The following ADGRL3 variants were observed in gnomAD, a reference collection of about 807,000 sequenced individuals.
ADGRL3 encodes the protein adhesion G protein-coupled receptor L3.
A neutral mutation model predicts 153.5 loss-of-function variants in ADGRL3; 62 were observed. The ratio of observed to expected loss-of-function variants is 0.40; its 90% confidence interval spans 0.33 to 0.50. The LOEUF (loss-of-function observed/expected upper bound fraction) is 0.50. Among genes scored for constraint, ADGRL3 ranks in the 20% least tolerant of loss-of-function variants. ADGRL3 has a pLI of 0.47. For synonymous variants in ADGRL3, 710 were observed against 672.5 expected, an observed-to-expected ratio of 1.06 and a Z score of -0.86; for missense variants, 1,641 against 1,859.4, an observed-to-expected ratio of 0.88 and a Z score of 2.16.
At chr4:61,654,332 A>C (rs1486654431) in intron 5 of ADGRL3, among the ~76,000 whole-genome samples, 4 of 152,052 alleles carry the variant, frequency 2.6e-5, no homozygotes, top group Non-Finnish European at 5.9e-5. Context: ...CTCTATATCA[A>C]ATTTGGATAT....
rs148158914 is a variant in ADGRL3, at chr4:61,925,777, C to T, written c.2113-9063C>T. 2.0e-4 allele frequency among the ~76,000 whole-genome samples: 31 copies of T among 152,260 alleles called. No homozygotes were observed. In the East Asian group the frequency reaches 2.1e-3, roughly 10 times the overall value. Reference sequence around the variant, plus strand: ...CTCCCACCAGGCCCCACCTCCAACACTGAGGATTACAATTCAACATGAGAT... The same window carrying T: ...CTCCCACCAGGCCCCACCTCCAACATTGAGGATTACAATTCAACATGAGAT... On this transcript the variant is annotated intron_variant, in intron 13 of 26. Coordinates refer to ENST00000683033, the MANE Select transcript of ADGRL3 (RefSeq NM_001387552.1).
At chr4:61,984,441 G>A (rs1256245678) in intron 19 of ADGRL3, among the ~76,000 whole-genome samples, 1 of 152,064 alleles carries the variant, frequency 6.6e-6, no homozygotes. Flanking sequence ...ACACAGTGGT[G>A]CATGTCTATA....
At chr4:61,447,899 A>G (rs1578910988) in intron 2 of ADGRL3, among the ~76,000 whole-genome samples, 1 of 152,186 alleles carries the variant, frequency 6.6e-6, no homozygotes, top group Non-Finnish European at 1.5e-5. Context: ...CTGTTCATAT[A>G]AAAACAAAAC....
At chr4:61,631,923 GGCCGCTGAATATAATGT>G in intron 5 of ADGRL3, among the ~76,000 whole-genome samples, 1 of 151,896 alleles carries the variant, frequency 6.6e-6, no homozygotes, top group East Asian at 1.9e-4. Flanking sequence ...CACCACACCT[GGCCGCTGAATATAATGT>G]CAAAAAGAAC....
intron 2 of ADGRL3, among the ~76,000 whole-genome samples, chr4:61,484,273 T>C (rs2098165494): frequency 6.6e-6 from 1 of 152,164 alleles, no homozygotes. Flanking sequence ...CCATTTTGCC[T>C]ACCAATTTTC....
chr4:61,782,954 A>G (rs2097231558), intron 8 of ADGRL3, among the ~76,000 whole-genome samples: 1 of 152,176 alleles, frequency 6.6e-6, no homozygotes, highest in African/African-American at 2.4e-5. Flanking sequence ...TTCTCTAATT[A>G]TAAGTGACTT....
At chr4:61,407,556 A>G (rs2097018621) in intron 2 of ADGRL3, among the ~76,000 whole-genome samples, 1 of 152,134 alleles carries the variant, frequency 6.6e-6, no homozygotes, top group South Asian at 2.1e-4. Flanking sequence ...GAGGAAAACA[A>G]CCAGCTGTGT....
At chr4:61,317,965 C>T (rs1219147002) in intron 1 of ADGRL3, among the ~76,000 whole-genome samples, 3 of 151,934 alleles carry the variant, frequency 2.0e-5, no homozygotes, top group African/African-American at 7.2e-5. Context: ...CACTTGAGGT[C>T]AGGAGTTCAA....
rs573603074 is a variant in ADGRL3 at position 62,070,092 on chromosome 4, C to T, written c.3833-17C>T. 14 of 1,601,524 alleles carry T rather than the reference C, an allele frequency of 8.7e-6. No homozygotes were observed. The South Asian group carries it at 1.4e-4, about 16-fold the overall frequency. On this transcript the variant is annotated splice_polypyrimidine_tract_variant and intron_variant, in intron 26 of 26. Coordinates refer to ENST00000683033, the MANE Select transcript of ADGRL3 (RefSeq NM_001387552.1). ...TTGTTGGATATAAATGTCATAGTAT[C>T]TTGTAATCTTTTTCAGAGGGGCTTC...
chr4:61,480,809 T>A (rs997276014), intron 2 of ADGRL3, among the ~76,000 whole-genome samples: 1 of 149,478 alleles, frequency 6.7e-6, no homozygotes, highest in African/African-American at 2.4e-5. Context: ...TAAATGAAAA[T>A]AAATAAAAGA....
At chr4:61,453,430 G>A (rs543273911) in intron 2 of ADGRL3, among the ~76,000 whole-genome samples, 1 of 152,158 alleles carries the variant, frequency 6.6e-6, no homozygotes, top group East Asian at 1.9e-4. Flanking sequence ...TAGGGGTAAC[G>A]ATTGACATGC....
At chr4:61,435,825 G>T (rs968641137) in intron 2 of ADGRL3, among the ~76,000 whole-genome samples, 3 of 150,200 alleles carry the variant, frequency 2.0e-5, no homozygotes, top group East Asian at 1.9e-4. Flanking sequence ...CCATTATTTG[G>T]TTATTTGGGG....
chr4:61,664,914 T>C (rs2150660784), intron 5 of ADGRL3, among the ~76,000 whole-genome samples: 1 of 152,254 alleles, frequency 6.6e-6, no homozygotes, highest in Non-Finnish European at 1.5e-5. Context: ...GTCCTATTTG[T>C]TCCATCTCCT....
intron 23 of ADGRL3, among the ~76,000 whole-genome samples, chr4:62,034,328 A>T (rs1013902288): frequency 5.9e-5 from 9 of 151,764 alleles, no homozygotes; most frequent in African/African-American, 1.7e-4. Context: ...TTAAAATTTT[A>T]ACTATCTGGA....
At chr4:61,698,019 T>C (rs1197573353) in intron 6 of ADGRL3, among the ~76,000 whole-genome samples, 4 of 152,148 alleles carry the variant, frequency 2.6e-5, no homozygotes, top group African/African-American at 9.7e-5. Context: ...CTATTAGGAA[T>C]TGGGAGCCAT....
chr4:61,376,092 TGCAAA>T (rs776743440), intron 1 of ADGRL3, among the ~76,000 whole-genome samples: 16 of 152,298 alleles, frequency 1.1e-4, no homozygotes, highest in Admixed American at 7.9e-4. Context: ...TTTCATTACT[TGCAAA>T]GCAAACTTCC....
rs1480938747 is a variant in ADGRL3 at position 61,753,915 on chromosome 4, G to C, written c.1399+20361G>C. Among the ~76,000 whole-genome samples, 3 of 152,096 alleles carry C rather than the reference G, an allele frequency of 2.0e-5. No individual in the cohort carries two copies. In the East Asian group the frequency reaches 5.8e-4, roughly 29 times the overall value. On this transcript the variant is annotated intron_variant, in intron 8 of 26. Coordinates refer to ENST00000683033, the MANE Select transcript of ADGRL3 (RefSeq NM_001387552.1). ...ACTTTTAAAAGCGCCTGGAGGCTAG[G>C]ATACCAAGCCAATGGACTTGCCATC...
chr4:61,689,036 A>G (rs1165233416), intron 6 of ADGRL3, among the ~76,000 whole-genome samples: 1 of 152,176 alleles, frequency 6.6e-6, no homozygotes, highest in Admixed American at 6.6e-5. Context: ...ATAATGGCTC[A>G]CTGTAGCATC....
chr4:61,409,889 G>A (rs1445585123), intron 2 of ADGRL3, among the ~76,000 whole-genome samples: 2 of 151,832 alleles, frequency 1.3e-5, no homozygotes, highest in East Asian at 3.9e-4. Context: ...ATTAAAACAG[G>A]TCAGAACTTA....
Sources: allele counts gnomAD v4.1 joint callset (sites outside exome capture counted in the v4.1 genomes callset), GRCh38; gene constraint gnomAD v4.1.1; transcripts MANE v1.5; gene names NCBI Gene and HGNC (gene_info 2026-07-23, HGNC 2026-07-21).